CAB39L: variants seen among roughly 807,000 people sequenced by gnomAD.
The protein encoded by CAB39L is calcium-binding protein 39-like.
CAB39L carries 23 observed loss-of-function variants against 39.1 expected under a neutral mutation model. The ratio of observed to expected loss-of-function variants is 0.59; its 90% CI spans 0.42 to 0.83. The LOEUF (loss-of-function observed/expected upper bound fraction) is 0.83, where lower values mean the gene tolerates loss of function less well. CAB39L is among the 40% of genes least tolerant of loss of function. The probability of loss-of-function intolerance (pLI) is 0.00; values close to 1 mark genes in which losing one functional copy is unlikely to be tolerated. For synonymous variants in CAB39L, 126 were observed against 137.2 expected, an observed-to-expected ratio of 0.92 and a Z score of 0.57; for missense variants, 366 against 391.9, an observed-to-expected ratio of 0.93 and a Z score of 0.56.
intron 5 of CAB39L, among the ~76,000 whole-genome samples, chr13:49,372,437 C>T (rs1955946665): frequency 6.6e-6 from 1 of 152,142 alleles, no homozygotes; most frequent in South Asian, 2.1e-4. Flanking sequence ...AGATTCCTGA[C>T]AGAGAAGTAG....
chr13:49,377,150 G>A lies in CAB39L; in HGVS notation c.112-19C>T. On this transcript the variant is annotated intron_variant, in intron 4 of 10. Transcript: ENST00000409308. ...CTGAAGCCTAGTGACCAAAACGTAT[G>A]CTAACGGTTAAAAGAATAAAAATGT... 3 of 1,601,344 alleles carry A rather than the reference G, an allele frequency of 1.9e-6. No homozygotes were observed. Among genetic ancestry groups the A allele is most frequent in the East Asian group, 2.2e-5 (1 of 44,830 alleles).
chr13:49,386,593 A>G (rs886163013), intron 3 of CAB39L, among the ~76,000 whole-genome samples: 3 of 152,220 alleles, frequency 2.0e-5, no homozygotes, highest in Non-Finnish European at 4.4e-5. Context: ...TGTAATAAGT[A>G]TAATATGATT....
At chr13:49,341,967 T>G (rs1265840708) in intron 8 of CAB39L, among the ~76,000 whole-genome samples, 2 of 152,228 alleles carry the variant, frequency 1.3e-5, no homozygotes, top group Non-Finnish European at 2.9e-5. Flanking sequence ...GACATAAAAA[T>G]CACTTTTGAT....
At chr13:49,327,462 C>G (rs1031629282) in intron 10 of CAB39L, among the ~76,000 whole-genome samples, 2 of 151,704 alleles carry the variant, frequency 1.3e-5, no homozygotes, top group African/African-American at 4.9e-5. Context: ...CACCACCACA[C>G]CTGGCTAATT....
intron 5 of CAB39L, among the ~76,000 whole-genome samples, chr13:49,362,353 C>T (rs1403588819): frequency 1.3e-5 from 2 of 151,798 alleles, no homozygotes; most frequent in Non-Finnish European, 1.5e-5. Context: ...TTCAAAATAA[C>T]ACAGAGAAAG....
chr13:49,354,942 A>G (rs1203396017), intron 6 of CAB39L, among the ~76,000 whole-genome samples: 1 of 152,202 alleles, frequency 6.6e-6, no homozygotes, highest in African/African-American at 2.4e-5. Flanking sequence ...GGGGAAAATG[A>G]CTTTTGTGAT....
intron 7 of CAB39L, among the ~76,000 whole-genome samples, chr13:49,344,563 C>T (rs936803540): frequency 6.7e-6 from 1 of 149,934 alleles, no homozygotes; most frequent in Admixed American, 6.6e-5. Context: ...ACTATGTCAC[C>T]CAGGCTGGAG....
chr13:49,403,308 G>C (rs897026912), intron 3 of CAB39L, among the ~76,000 whole-genome samples: 1 of 152,052 alleles, frequency 6.6e-6, no homozygotes, highest in Non-Finnish European at 1.5e-5. Flanking sequence ...CCTCTTAATA[G>C]AGATTAAAAG....
At chr13:49,375,351 C>A (rs919066399) in intron 5 of CAB39L, among the ~76,000 whole-genome samples, 6 of 152,076 alleles carry the variant, frequency 3.9e-5, no homozygotes, top group Non-Finnish European at 8.8e-5. Flanking sequence ...TATGCCACAG[C>A]TTCTACAAGT....
At chr13:49,389,247 G>T (rs1346965310) in intron 3 of CAB39L, among the ~76,000 whole-genome samples, 1 of 152,164 alleles carries the variant, frequency 6.6e-6, no homozygotes, top group Admixed American at 6.6e-5. Flanking sequence ...AAATCAGTAT[G>T]TCAAGGAAAT....
intron 10 of CAB39L, among the ~76,000 whole-genome samples, chr13:49,331,398 A>G (rs1363644115): frequency 6.6e-6 from 1 of 152,058 alleles, no homozygotes; most frequent in African/African-American, 2.4e-5. Flanking sequence ...CCTGGGAGGC[A>G]GAGGTTGCAG....
intron 3 of CAB39L, among the ~76,000 whole-genome samples, chr13:49,391,277 C>A (rs549262061): frequency 1.7e-4 from 26 of 152,070 alleles, no homozygotes; most frequent in African/African-American, 6.3e-4. Flanking sequence ...GATGTGAGGG[C>A]AAACTAAAAT....
chr13:49,369,878 GC>G (rs1319609166), intron 5 of CAB39L, among the ~76,000 whole-genome samples: 1 of 150,330 alleles, frequency 6.7e-6, no homozygotes, highest in Non-Finnish European at 1.5e-5. Context: ...GAGCCACCGT[GC>G]CCAGCCGGCA....
chr13:49,348,020 C>CT (rs1955232047), intron 7 of CAB39L, among the ~76,000 whole-genome samples: 1 of 152,136 alleles, frequency 6.6e-6, no homozygotes, highest in Non-Finnish European at 1.5e-5. Flanking sequence ...CAGACCTCCC[C>CT]TGTGGGCTCC....
At chr13:49,335,165 T>A (rs1199976360) in intron 9 of CAB39L, among the ~76,000 whole-genome samples, 3 of 152,198 alleles carry the variant, frequency 2.0e-5, no homozygotes, top group African/African-American at 4.8e-5. Context: ...TAAAGATATA[T>A]ACAAAAATAA....
intron 3 of CAB39L, among the ~76,000 whole-genome samples, chr13:49,383,410 T>C (rs1359217783): frequency 1.3e-5 from 2 of 152,226 alleles, no homozygotes; most frequent in African/African-American, 4.8e-5. Context: ...ATCTTAAATG[T>C]CCTAGACATT....
intron 3 of CAB39L, chr13:49,420,566 G>A (rs1321692520): frequency 6.6e-6 from 1 of 152,502 alleles, no homozygotes; most frequent in Non-Finnish European, 1.5e-5. Flanking sequence ...TCAGCTAAAG[G>A]AGTCAGTGTG....
intron 3 of CAB39L, among the ~76,000 whole-genome samples, chr13:49,418,664 G>A (rs116051383): frequency 0.019 from 2,829 of 152,196 alleles, 85 homozygotes; most frequent in African/African-American, 0.064. Flanking sequence ...CCCCTCCTAG[G>A]TTCAAGCGAT....
intron 3 of CAB39L, among the ~76,000 whole-genome samples, chr13:49,409,581 A>G (rs969831668): frequency 6.6e-6 from 1 of 152,090 alleles, no homozygotes; most frequent in Non-Finnish European, 1.5e-5. Flanking sequence ...CAAGAACATA[A>G]GTGGAATAAT....
Sources: allele counts gnomAD v4.1 joint callset (sites outside exome capture counted in the v4.1 genomes callset), GRCh38; gene constraint gnomAD v4.1.1; transcripts MANE v1.5; gene names NCBI Gene and HGNC (gene_info 2026-07-23, HGNC 2026-07-21).